Variants in WWOX observed in about 807,000 individuals in gnomAD.
WWOX encodes the protein WW domain containing oxidoreductase.
In WWOX, 69 loss-of-function variants were observed where a neutral mutation model predicts 46.2. That is an observed-to-expected ratio of 1.49 (90% CI 1.23 to 1.82). The LOEUF (loss-of-function observed/expected upper bound fraction) is 1.82, where lower values mean the gene tolerates loss of function less well. Ranked by LOEUF, WWOX falls within the 40% of genes most tolerant of loss-of-function variation. The pLI is 0.00. For synonymous variants in WWOX, 359 were observed against 202.6 expected, an observed-to-expected ratio of 1.77 and a Z score of -6.56; for missense variants, 919 against 542.6, an observed-to-expected ratio of 1.69 and a Z score of -6.89.
At chr16:78,427,440 G>A (rs971699108) in intron 7 of WWOX, among the ~76,000 whole-genome samples, 1 of 152,138 alleles carries the variant, frequency 6.6e-6, no homozygotes, top group African/African-American at 2.4e-5. Context: ...AGAATGAAAA[G>A]AGCAGAGTGC....
chr16:78,539,275 G>C (rs1453512117), intron 8 of WWOX, among the ~76,000 whole-genome samples: 1 of 152,212 alleles, frequency 6.6e-6, no homozygotes, highest in Non-Finnish European at 1.5e-5. Context: ...AGGAATCTGC[G>C]TGAGCCTTGT....
intron 4 of WWOX, among the ~76,000 whole-genome samples, chr16:78,126,926 C>G (rs1479633490): frequency 1.3e-5 from 2 of 152,322 alleles, no homozygotes; most frequent in East Asian, 1.9e-4. Context: ...CGCTTCAGAG[C>G]TTTTCTATGC....
intron 4 of WWOX, among the ~76,000 whole-genome samples, chr16:78,158,822 A>G (rs2034689312): frequency 6.6e-6 from 1 of 152,174 alleles, no homozygotes; most frequent in Admixed American, 6.5e-5. Flanking sequence ...AAACCATTAT[A>G]TTTTATAAGT....
intron 8 of WWOX, among the ~76,000 whole-genome samples, chr16:78,521,137 T>C (rs531171315): frequency 2.0e-5 from 3 of 152,356 alleles, no homozygotes; most frequent in South Asian, 4.1e-4. Flanking sequence ...AGCTGTCTTA[T>C]ATAACTTAAT....
rs150754064 is a variant in WWOX at position 78,713,040 on chromosome 16, G to A, written c.1056+280288G>A. 1.2e-4 allele frequency among the ~76,000 whole-genome samples: 18 copies of A among 152,056 alleles called. 1 individual carries two copies. Among genetic ancestry groups the A allele is most frequent in the Admixed American group, 3.3e-4 (5 of 15,256 alleles). ...ATCCCAGTGCTTTGACAGGCTGAGG[G>A]AGGAGAACTGCTTGAGCCCAGGAGA... is the stretch of plus-strand genomic sequence containing the variant. On this transcript the variant is annotated intron_variant, in intron 8 of 8. Coordinates refer to ENST00000566780, the MANE Select transcript of WWOX (RefSeq NM_016373.4).
intron 8 of WWOX, among the ~76,000 whole-genome samples, chr16:78,889,282 C>T (rs1372420487): frequency 1.3e-5 from 2 of 152,212 alleles, no homozygotes; most frequent in African/African-American, 2.4e-5. Context: ...TAATTATTTT[C>T]ACACTGCAAT....
chr16:78,313,613 G>A (rs888877636), intron 5 of WWOX, among the ~76,000 whole-genome samples: 1 of 152,176 alleles, frequency 6.6e-6, no homozygotes, highest in Non-Finnish European at 1.5e-5. Flanking sequence ...TGATCTGCCT[G>A]CCTTGGCCTC....
chr16:78,138,070 A>C (rs1159144188), intron 4 of WWOX, among the ~76,000 whole-genome samples: 1 of 150,662 alleles, frequency 6.6e-6, no homozygotes, highest in Non-Finnish European at 1.5e-5. Flanking sequence ...AAAGTTGTCT[A>C]GCAGACTGTT....
At chr16:78,828,861 T>C (rs1046328252) in intron 8 of WWOX, among the ~76,000 whole-genome samples, 1 of 152,222 alleles carries the variant, frequency 6.6e-6, no homozygotes, top group Non-Finnish European at 1.5e-5. Flanking sequence ...CAGCATTTTC[T>C]GCATTGCATT....
chr16:78,217,785 C>T (rs755645711), intron 5 of WWOX, among the ~76,000 whole-genome samples: 1 of 151,922 alleles, frequency 6.6e-6, no homozygotes, highest in African/African-American at 2.4e-5. Flanking sequence ...ATAAATAATT[C>T]TGTGTGCTGT....
rs1233809227 is a variant in WWOX, at chr16:79,212,040, G to A, written c.*244G>A. ...TCTCTTTGCTTTCTGGTGGTGGCCT[G>A]TTTGAAAGTAAAAACCTGCTTGGTG... On this transcript the variant is annotated 3_prime_UTR_variant, in exon 9 of 9. Transcript: ENST00000566780. The A allele has an allele frequency of 2.0e-6, 3 of 1,536,176 alleles. No homozygotes were observed. Among genetic ancestry groups the A allele is most frequent in the African/African-American group, 1.4e-5 (1 of 73,052 alleles).
chr16:78,387,796 A>G (rs2082091920), intron 6 of WWOX, among the ~76,000 whole-genome samples: 1 of 151,974 alleles, frequency 6.6e-6, no homozygotes, highest in Admixed American at 6.6e-5. Flanking sequence ...TTTTTCAGTG[A>G]CTTGATTCAA....
chr16:79,026,906 G>A (rs2047655762), intron 8 of WWOX, among the ~76,000 whole-genome samples: 1 of 151,000 alleles, frequency 6.6e-6, no homozygotes, highest in African/African-American at 2.5e-5. Context: ...TGGGATTACA[G>A]GTGTGAGCCA....
At chr16:78,561,044 G>A (rs1198196602) in intron 8 of WWOX, among the ~76,000 whole-genome samples, 1 of 152,294 alleles carries the variant, frequency 6.6e-6, no homozygotes, top group Admixed American at 6.5e-5. Context: ...TTTCCTGCAT[G>A]CTCTGTGGAA....
intron 8 of WWOX, among the ~76,000 whole-genome samples, chr16:79,109,476 A>C (rs1419034107): frequency 1.3e-5 from 2 of 152,136 alleles, no homozygotes; most frequent in Non-Finnish European, 2.9e-5. Context: ...GGTTGGTTTT[A>C]AATTCAAGGA....
chr16:79,187,905 G>C (rs2051051019), intron 8 of WWOX, among the ~76,000 whole-genome samples: 1 of 152,200 alleles, frequency 6.6e-6, no homozygotes, highest in African/African-American at 2.4e-5. Context: ...TCTGAGCTGT[G>C]AGTCCTTCCT....
intron 5 of WWOX, among the ~76,000 whole-genome samples, chr16:78,331,481 G>A (rs1016071138): frequency 3.3e-5 from 5 of 152,266 alleles, no homozygotes; most frequent in African/African-American, 7.2e-5. Context: ...TTTGGAGACC[G>A]TCTTCGTAAT....
intron 6 of WWOX, among the ~76,000 whole-genome samples, chr16:78,389,983 G>C (rs532730551): frequency 6.6e-6 from 1 of 152,288 alleles, no homozygotes; most frequent in South Asian, 2.1e-4. Flanking sequence ...CTGACCTCAA[G>C]TGATCTCTCC....
At chr16:78,510,028 C>G (rs1345330520) in intron 8 of WWOX, among the ~76,000 whole-genome samples, 1 of 151,936 alleles carries the variant, frequency 6.6e-6, no homozygotes, top group Non-Finnish European at 1.5e-5. Context: ...TGCCACTGCT[C>G]TCTGGCCTGG....
Sources: gnomAD v4.1 joint callset for allele counts (sites outside exome capture counted in the v4.1 genomes callset) on GRCh38, gnomAD v4.1.1 for gene constraint, MANE v1.5 for transcripts, NCBI Gene and HGNC (gene_info 2026-07-23, HGNC 2026-07-21) for gene names.